Variants in ESRRB observed in about 807,000 individuals in gnomAD.
ESRRB encodes the protein steroid hormone receptor ERR2.
A neutral mutation model predicts 46.0 loss-of-function variants in ESRRB; 16 were observed. The ratio of observed to expected loss-of-function variants is 0.35; its 90% CI spans 0.24 to 0.53. ESRRB has a LOEUF of 0.53. ESRRB is among the 20% of genes least tolerant of loss of function. The probability of loss-of-function intolerance (pLI) is 0.93; values close to 1 mark genes in which losing one functional copy is unlikely to be tolerated. For synonymous variants in ESRRB, 246 were observed against 259.6 expected (o/e 0.95, Z 0.50); for missense variants, 488 against 607.4 (o/e 0.80, Z 2.07).
intron 1 of ESRRB, among the ~76,000 whole-genome samples, chr14:76,333,720 T>C (rs1405153472): frequency 6.6e-6 from 1 of 151,900 alleles, no homozygotes; most frequent in Non-Finnish European, 1.5e-5. Flanking sequence ...TTTCGACATA[T>C]AGGTAATATT....
intron 2 of ESRRB, among the ~76,000 whole-genome samples, chr14:76,440,603 C>G (rs948057923): frequency 6.6e-6 from 1 of 151,752 alleles, no homozygotes; most frequent in Non-Finnish European, 1.5e-5. Flanking sequence ...CTCTCTCTCT[C>G]AACCCATCCT....
chr14:76,480,428 G>A (rs1458135171), intron 3 of ESRRB, among the ~76,000 whole-genome samples: 2 of 152,174 alleles, frequency 1.3e-5, no homozygotes, highest in African/African-American at 4.8e-5. Context: ...TTAGGGCAAT[G>A]TGCACTTAAA....
intron 1 of ESRRB, among the ~76,000 whole-genome samples, chr14:76,420,025 A>C (rs1306850437): frequency 6.6e-6 from 1 of 152,202 alleles, no homozygotes; most frequent in African/African-American, 2.4e-5. Context: ...CTCAGTCTTT[A>C]CACACCATAT....
chr14:76,469,814 T>G (rs535770356), intron 3 of ESRRB, among the ~76,000 whole-genome samples: 4 of 152,310 alleles, frequency 2.6e-5, no homozygotes, highest in African/African-American at 9.6e-5. Context: ...TTCATTTTCT[T>G]GTCCCATTCA....
At chr14:76,396,124 G>T (rs1026683454) in intron 1 of ESRRB, among the ~76,000 whole-genome samples, 13 of 152,094 alleles carry the variant, frequency 8.5e-5, no homozygotes, top group Non-Finnish European at 1.5e-4. Flanking sequence ...AGTGAACCGA[G>T]ATCACGCCAC....
chr14:76,467,500 C>CA (rs397709875), intron 3 of ESRRB, among the ~76,000 whole-genome samples: 27,797 of 91,536 alleles, frequency 0.3, 3,756 homozygotes, highest in Middle Eastern at 0.39. Context: ...GCCTCTGTCT[C>CA]AAAAAAAAAA....
intron 3 of ESRRB, among the ~76,000 whole-genome samples, chr14:76,473,192 A>G (rs1889440376): frequency 6.6e-6 from 1 of 152,226 alleles, no homozygotes; most frequent in Admixed American, 6.5e-5. Context: ...CAGATCTTGC[A>G]TGGAACTAAT....
At chr14:76,496,504 G>T (rs1890436131) in intron 6 of ESRRB, among the ~76,000 whole-genome samples, 2 of 152,166 alleles carry the variant, frequency 1.3e-5, no homozygotes, top group African/African-American at 2.4e-5. Context: ...AGCAGGCTGG[G>T]GTCAGACCAG....
intron 1 of ESRRB, among the ~76,000 whole-genome samples, chr14:76,434,983 G>C (rs528483701): frequency 5.3e-5 from 8 of 151,698 alleles, no homozygotes; most frequent in African/African-American, 1.7e-4. Context: ...TTCCTTCTCC[G>C]AGGACTCAAG....
At chr14:76,373,411 C>T (rs922162204), upstream of ESRRB, among the ~76,000 whole-genome samples, 41 of 152,128 alleles carry the variant, frequency 2.7e-4, no homozygotes, top group Non-Finnish European at 4.9e-4. Flanking sequence ...AGTCAGGACC[C>T]GATCCCAGAG....
At chr14:76,441,872 C>A (rs935810660) in intron 2 of ESRRB, among the ~76,000 whole-genome samples, 6 of 152,224 alleles carry the variant, frequency 3.9e-5, no homozygotes, top group Non-Finnish European at 7.3e-5. Flanking sequence ...CAGGGCCCTG[C>A]CTCACTGTCC....
chr14:76,404,297 A>G (rs1886075558), intron 1 of ESRRB: 1 of 151,640 alleles, frequency 6.6e-6, no homozygotes, highest in African/African-American at 2.4e-5. Context: ...CATACCACAC[A>G]TAAATGTATT....
chr14:76,408,268 A>G (rs932437425), intron 1 of ESRRB, among the ~76,000 whole-genome samples: 3 of 152,186 alleles, frequency 2.0e-5, no homozygotes, highest in Admixed American at 2.0e-4. Context: ...ATCTGTCCTT[A>G]AAGAACTTAA....
intron 2 of ESRRB, among the ~76,000 whole-genome samples, chr14:76,455,473 G>C (rs74068661): frequency 2.0e-5 from 3 of 151,788 alleles, no homozygotes; most frequent in African/African-American, 7.3e-5. Context: ...GTCCCAATAT[G>C]GTAATATCAC....
At chr14:76,393,295 G>A (rs971813931) in intron 1 of ESRRB, among the ~76,000 whole-genome samples, 2 of 152,052 alleles carry the variant, frequency 1.3e-5, no homozygotes, top group South Asian at 2.1e-4. Context: ...TGCTCCCTCC[G>A]TAGCTCCAGT....
rs1890215629 is a variant in ESRRB, at chr14:76,491,344, C to T, written c.851-103C>T. Reference sequence around the variant, plus strand: ...ATCCAGGGGTGCCAGGGACACCCCGCAACCAGCCACGCCCTGCAACCTCTG... The same window carrying T: ...ATCCAGGGGTGCCAGGGACACCCCGTAACCAGCCACGCCCTGCAACCTCTG... On this transcript the variant is annotated intron_variant, in intron 5 of 6. Transcript: ENST00000644823. The T allele has an allele frequency of 4.9e-6, 6 of 1,232,372 alleles. No individual in the cohort carries two copies. In the South Asian group the frequency reaches 5.4e-5, roughly 11 times the overall value. 76.3% of individuals were successfully genotyped at this position (1,232,372 alleles called of 1,614,324 possible). A position where few individuals can be genotyped will look rare whatever the true frequency, so the allele number is the denominator to read the frequency against.
At chr14:76,332,053 C>T (rs1884019960) in intron 1 of ESRRB, among the ~76,000 whole-genome samples, 1 of 151,944 alleles carries the variant, frequency 6.6e-6, no homozygotes, top group African/African-American at 2.4e-5. Flanking sequence ...TTACAACAGC[C>T]TTTCAACAAA....
intron 1 of ESRRB, among the ~76,000 whole-genome samples, chr14:76,412,511 C>T (rs141832135): frequency 8.2e-4 from 125 of 152,262 alleles, no homozygotes; most frequent in African/African-American, 2.8e-3. Flanking sequence ...AGCTGCTCCT[C>T]CACTGGGCTG....
intron 1 of ESRRB, among the ~76,000 whole-genome samples, chr14:76,419,360 A>C (rs969183582): frequency 2.0e-5 from 3 of 152,180 alleles, no homozygotes; most frequent in East Asian, 3.9e-4. Context: ...TCAGGAATCA[A>C]GGGTGGGGGA....
Sources: allele counts gnomAD v4.1 joint callset (sites outside exome capture counted in the v4.1 genomes callset), GRCh38; gene constraint gnomAD v4.1.1; transcripts MANE v1.5; gene names NCBI Gene and HGNC (gene_info 2026-07-23, HGNC 2026-07-21).